The following RNF38 variants were observed in gnomAD, a reference collection of about 807,000 sequenced individuals.
RNF38 encodes the protein E3 ubiquitin-protein ligase RNF38.
RNF38 carries 15 observed loss-of-function variants against 67.2 expected under a neutral mutation model. The ratio of observed to expected loss-of-function variants is 0.22; its 90% CI spans 0.15 to 0.34. RNF38 has a LOEUF of 0.34. RNF38 is among the 10% of genes least tolerant of loss of function. The pLI, the probability that RNF38 is intolerant of heterozygous loss-of-function variation, is 1.00. For synonymous variants in RNF38, 220 were observed against 218.8 expected (o/e 1.01, Z -0.05); for missense variants, 524 against 639.9 (o/e 0.82, Z 1.95).
chr9:36,395,846 TG>T (rs2134084552), intron 1 of RNF38, among the ~76,000 whole-genome samples: 1 of 152,292 alleles, frequency 6.6e-6, no homozygotes, highest in African/African-American at 2.4e-5. Context: ...ACGGTACACT[TG>T]CTTGAACTAT....
At chr9:36,444,289 GA>G (rs138760922) in intron 1 of RNF38, among the ~76,000 whole-genome samples, 2 of 150,820 alleles carry the variant, frequency 1.3e-5, no homozygotes, top group African/African-American at 2.4e-5. Context: ...AGGGTTTCAA[GA>G]AAAAAAAATG....
At chr9:36,453,742 G>A (rs974737776) in intron 1 of RNF38, among the ~76,000 whole-genome samples, 6 of 152,064 alleles carry the variant, frequency 3.9e-5, no homozygotes, top group African/African-American at 1.4e-4. Flanking sequence ...TGCACAGGCT[G>A]GTCTCGAACT....
At chr9:36,434,487 C>T (rs1168482606) in intron 1 of RNF38, among the ~76,000 whole-genome samples, 5 of 152,130 alleles carry the variant, frequency 3.3e-5, no homozygotes, top group South Asian at 4.1e-4. Context: ...CGGGTTCAAG[C>T]GATTTCTCCT....
In RNF38 at chr9:36,338,615, C is replaced by G. The variant is rs550451315; in HGVS notation, c.*1137G>C. On this transcript the variant is annotated 3_prime_UTR_variant, in exon 12 of 12. Coordinates refer to ENST00000259605, the MANE Select transcript of RNF38 (RefSeq NM_022781.5). ...TGAGTTGCCCACAGGAGCTTGAACA[C>G]AGAACACATATGAGAAGTCAAGCTG... 1.3e-5 allele frequency: 2 copies of G among 152,354 alleles called. No individual in the cohort carries two copies. The highest frequency in any genetic ancestry group is 3.9e-4 in the East Asian group (2 of 5,192). The allele number at this position is 152,354 out of a possible 1,614,324, so 9.4% of individuals were successfully genotyped here.
chr9:36,486,854 G>A (rs1455621617), intron 1 of RNF38, among the ~76,000 whole-genome samples: 1 of 152,100 alleles, frequency 6.6e-6, no homozygotes, highest in East Asian at 1.9e-4. Flanking sequence ...GTGTGCCAGG[G>A]TCCAGGGCCT....
At chr9:36,443,380 G>A (rs931487816) in intron 1 of RNF38, among the ~76,000 whole-genome samples, 3 of 152,094 alleles carry the variant, frequency 2.0e-5, no homozygotes, top group South Asian at 2.1e-4. Flanking sequence ...CTCAAAGACC[G>A]ATTTTCACAC....
At chr9:36,395,450 C>G (rs940320055) in intron 1 of RNF38, among the ~76,000 whole-genome samples, 1 of 152,104 alleles carries the variant, frequency 6.6e-6, no homozygotes, top group Non-Finnish European at 1.5e-5. Flanking sequence ...CATTCTTCAG[C>G]ATACCAACTG....
intron 9 of RNF38, among the ~76,000 whole-genome samples, chr9:36,350,088 G>A (rs1377696694): frequency 1.3e-5 from 2 of 152,170 alleles, no homozygotes; most frequent in African/African-American, 2.4e-5. Context: ...AAAATGCTGG[G>A]ATTACAGGGT....
At chr9:36,409,658 T>C (rs1838274454) in intron 2 of RNF38, among the ~76,000 whole-genome samples, 1 of 152,228 alleles carries the variant, frequency 6.6e-6, no homozygotes, top group Non-Finnish European at 1.5e-5. Context: ...CTTGCATTCA[T>C]GAAATGTGAC....
chr9:36,473,157 T>TA (rs1840036157), intron 1 of RNF38, among the ~76,000 whole-genome samples: 1 of 149,948 alleles, frequency 6.7e-6, no homozygotes, highest in African/African-American at 2.5e-5. Flanking sequence ...ACACAATAAA[T>TA]AAAAAAATAA....
At chr9:36,344,276 G>A (rs1833053151) in intron 10 of RNF38, among the ~76,000 whole-genome samples, 1 of 152,134 alleles carries the variant, frequency 6.6e-6, no homozygotes, top group South Asian at 2.1e-4. Flanking sequence ...CAGCCTCCCA[G>A]AGTGCTGGGA....
intron 1 of RNF38, among the ~76,000 whole-genome samples, chr9:36,434,323 T>C (rs997517742): frequency 9.2e-5 from 2 of 21,810 alleles, no homozygotes; most frequent in Non-Finnish European, 1.7e-4. Flanking sequence ...GGGAGGGGGA[T>C]GGGGGAAGGA....
At chr9:36,355,213 G>C (rs897838476) in intron 6 of RNF38, among the ~76,000 whole-genome samples, 1 of 152,126 alleles carries the variant, frequency 6.6e-6, no homozygotes, top group Admixed American at 6.5e-5. Context: ...GTAAACAATG[G>C]TAAGACTGCT....
chr9:36,487,055 G>A (rs1292536449), intron 1 of RNF38, among the ~76,000 whole-genome samples: 1 of 152,126 alleles, frequency 6.6e-6, no homozygotes, highest in Admixed American at 6.5e-5. Flanking sequence ...CTCCTCCGCC[G>A]AGCAGAGACC....
chr9:36,372,022 C>G (rs1042707719), intron 3 of RNF38, among the ~76,000 whole-genome samples: 6 of 151,760 alleles, frequency 4.0e-5, no homozygotes, highest in Non-Finnish European at 7.4e-5. Context: ...CCTCTGCCTC[C>G]TGGGTTCAAG....
At chr9:36,440,812 C>A (rs960210387) in intron 1 of RNF38, among the ~76,000 whole-genome samples, 1 of 152,102 alleles carries the variant, frequency 6.6e-6, no homozygotes, top group African/African-American at 2.4e-5. Context: ...AAGGAAAAAA[C>A]CACTAGTAAA....
intron 3 of RNF38, among the ~76,000 whole-genome samples, chr9:36,375,470 G>A (rs1835720216): frequency 6.6e-6 from 1 of 152,248 alleles, no homozygotes; most frequent in East Asian, 1.9e-4. Context: ...GCGATTATAG[G>A]CATGAGCTAC....
At chr9:36,446,996 G>A (rs1379047674) in intron 1 of RNF38, among the ~76,000 whole-genome samples, 4 of 150,898 alleles carry the variant, frequency 2.7e-5, no homozygotes, top group East Asian at 1.9e-4. Flanking sequence ...GTGTGGTGGC[G>A]GATGCCTGTA....
rs547641981 is a variant in RNF38 at position 36,364,049 on chromosome 9, C to T, written c.570+5670G>A. On this transcript the variant is annotated intron_variant, in intron 4 of 11. Transcript: ENST00000259605. ...TGTCACCATGTTGGCCAGGCTGGCT[C>T]GAACTCTTGACCTCAAGGGATCTGC... 8.8e-5 allele frequency among the ~76,000 whole-genome samples: 9 copies of T among 102,184 alleles called. 2 individuals carry two copies. The East Asian group carries it at 1.5e-3, about 17-fold the overall frequency. The allele number at this position is 102,184 out of a possible 152,430, so 67.0% of individuals were successfully genotyped here. A position where few individuals can be genotyped will look rare whatever the true frequency, so the allele number is the denominator to read the frequency against.
Sources: allele counts gnomAD v4.1 joint callset (sites outside exome capture counted in the v4.1 genomes callset), GRCh38; gene constraint gnomAD v4.1.1; transcripts MANE v1.5; gene names NCBI Gene and HGNC (gene_info 2026-07-23, HGNC 2026-07-21).